Variants in CORIN observed in about 807,000 individuals in gnomAD.
The protein encoded by CORIN is corin, serine peptidase.
CORIN carries 117 observed loss-of-function variants against 125.3 expected under a neutral mutation model. That is an observed-to-expected ratio of 0.93 (90% confidence interval 0.80 to 1.09). The LOEUF is 1.09. CORIN is among the 50% of genes least tolerant of loss of function. The pLI is 0.00. For missense variants in CORIN, 1,253 were observed against 1,306.7 expected (o/e 0.96, Z 0.63); for synonymous variants, 450 against 466.4 (o/e 0.96, Z 0.45).
chr4:47,655,840 C>T (rs1260890338), intron 12 of CORIN, among the ~76,000 whole-genome samples: 1 of 137,672 alleles, frequency 7.3e-6, no homozygotes, highest in Non-Finnish European at 1.6e-5. Context: ...ACTTAAAAGT[C>T]TTTCAGCAGA....
chr4:47,752,840 C>T (rs925405745), intron 4 of CORIN, among the ~76,000 whole-genome samples: 7 of 152,078 alleles, frequency 4.6e-5, no homozygotes, highest in African/African-American at 1.7e-4. Context: ...TACCAGGGCC[C>T]AGGGGATGAG....
At chr4:47,689,770 C>G (rs768179221) in intron 6 of CORIN, among the ~76,000 whole-genome samples, 9 of 152,172 alleles carry the variant, frequency 5.9e-5, no homozygotes, top group African/African-American at 1.2e-4. Context: ...GCTTCCAAGT[C>G]TGGCCGTCCA....
At chr4:47,806,548 T>G (rs1478344379) in intron 2 of CORIN, among the ~76,000 whole-genome samples, 1 of 152,196 alleles carries the variant, frequency 6.6e-6, no homozygotes, top group African/African-American at 2.4e-5. Flanking sequence ...TCTATACACT[T>G]CTATCTTAAA....
intron 5 of CORIN, among the ~76,000 whole-genome samples, chr4:47,699,691 G>T (rs1269538859): frequency 6.6e-6 from 1 of 152,146 alleles, no homozygotes; most frequent in African/African-American, 2.4e-5. Flanking sequence ...GCTCTCAATG[G>T]CAATGAATAT....
At chr4:47,760,559 G>A (rs565316319) in intron 4 of CORIN, among the ~76,000 whole-genome samples, 66 of 152,170 alleles carry the variant, frequency 4.3e-4, no homozygotes, top group Non-Finnish European at 7.8e-4. Flanking sequence ...TACACTTATA[G>A]AGTATGAGTA....
chr4:47,785,348 T>C (rs1730739867), intron 3 of CORIN, among the ~76,000 whole-genome samples: 1 of 152,134 alleles, frequency 6.6e-6, no homozygotes, highest in Non-Finnish European at 1.5e-5. Flanking sequence ...TATCAAAAGG[T>C]AGAGTCACAT....
intron 3 of CORIN, among the ~76,000 whole-genome samples, chr4:47,764,017 C>T (rs1188282021): frequency 6.6e-6 from 1 of 152,076 alleles, no homozygotes; most frequent in Non-Finnish European, 1.5e-5. Context: ...GGATCTTGAT[C>T]TTTGCATAGT....
At chr4:47,645,989 C>T (rs1723458442) in intron 13 of CORIN, among the ~76,000 whole-genome samples, 1 of 147,098 alleles carries the variant, frequency 6.8e-6, no homozygotes, top group African/African-American at 2.5e-5. Context: ...CACTCTGTCG[C>T]CCAGGCTGGA....
intron 5 of CORIN, among the ~76,000 whole-genome samples, chr4:47,696,789 T>C (rs2109750008): frequency 6.6e-6 from 1 of 152,312 alleles, no homozygotes; most frequent in Non-Finnish European, 1.5e-5. Context: ...TAGCCTGAAA[T>C]CACCTTGAGA....
chr4:47,742,733 A>T (rs1560528671), intron 5 of CORIN, among the ~76,000 whole-genome samples: 1 of 152,100 alleles, frequency 6.6e-6, no homozygotes, highest in Non-Finnish European at 1.5e-5. Context: ...AAACAAAAAC[A>T]GCATTTGTGG....
intron 19 of CORIN, among the ~76,000 whole-genome samples, chr4:47,608,770 A>G (rs1485313009): frequency 1.3e-5 from 2 of 152,198 alleles, no homozygotes; most frequent in African/African-American, 4.8e-5. Flanking sequence ...TATGTCAGAC[A>G]CACTATAGCA....
Position 47,692,422 on chromosome 4 carries a change from C to T in CORIN, c.913+548G>A, listed in dbSNP as rs78867911. On this transcript the variant is annotated intron_variant, in intron 6 of 21. Coordinates refer to ENST00000273857, the MANE Select transcript of CORIN (RefSeq NM_006587.4). ...GAAATCTGAATCTATATTGGACAAA[C>T]CACTGGCCAATTCAGTCAAAATGAC... 4.4e-3 allele frequency among the ~76,000 whole-genome samples: 662 copies of T among 152,140 alleles called. 10 individuals carry two copies. The highest frequency in any genetic ancestry group is 0.016 in the African/African-American group (654 of 41,500).
intron 1 of CORIN, among the ~76,000 whole-genome samples, chr4:47,836,397 C>G (rs914556394): frequency 1.3e-5 from 2 of 152,198 alleles, no homozygotes; most frequent in Non-Finnish European, 2.9e-5. Context: ...AATTTCAAAA[C>G]TATCTGCTTA....
chr4:47,603,797 A>G, intron 19 of CORIN, 129 bp from the exon 20 acceptor site: 1 of 1,004,058 alleles, frequency 1.0e-6, no homozygotes, highest in East Asian at 2.6e-5. Flanking sequence ...CAATGTATTC[A>G]TATAAGTGGC....
chr4:47,641,105 T>C (rs1723213523), intron 16 of CORIN, among the ~76,000 whole-genome samples: 3 of 152,202 alleles, frequency 2.0e-5, no homozygotes, highest in Admixed American at 2.0e-4. Context: ...TAAACTAGGA[T>C]AACAAAAATG....
intron 1 of CORIN, among the ~76,000 whole-genome samples, chr4:47,832,115 G>A (rs1173321360): frequency 6.6e-6 from 1 of 152,184 alleles, no homozygotes; most frequent in Non-Finnish European, 1.5e-5. Context: ...AGGGAGAAGA[G>A]CCTCCTTCTG....
At chr4:47,763,318 C>G (rs1729555318) in intron 4 of CORIN, 61 bp downstream of exon 4, 5 of 1,356,696 alleles carry the variant, frequency 3.7e-6, no homozygotes, top group South Asian at 1.3e-5. Context: ...AATTTTTTTT[C>G]TCCTAGGACA....
intron 5 of CORIN, among the ~76,000 whole-genome samples, chr4:47,725,442 G>A (rs919289038): frequency 6.6e-6 from 1 of 152,062 alleles, no homozygotes; most frequent in Non-Finnish European, 1.5e-5. Flanking sequence ...TAATGAAACA[G>A]AATGAACAGT....
intron 17 of CORIN, among the ~76,000 whole-genome samples, chr4:47,625,371 T>C (rs912443746): frequency 6.6e-6 from 1 of 152,088 alleles, no homozygotes; most frequent in African/African-American, 2.4e-5. Flanking sequence ...ATAACACTTG[T>C]AGTTAGTAAA....
Sources: allele counts gnomAD v4.1 joint callset (sites outside exome capture counted in the v4.1 genomes callset), GRCh38; gene constraint gnomAD v4.1.1; transcripts MANE v1.5; gene names NCBI Gene and HGNC (gene_info 2026-07-23, HGNC 2026-07-21).